The following SDK1 variants were observed in gnomAD, a reference collection of about 807,000 sequenced individuals.
SDK1 encodes the protein sidekick cell adhesion molecule 1.
Under a neutral mutation model 245.5 loss-of-function variants are expected in SDK1, and 157 were observed. The ratio of observed to expected loss-of-function variants is 0.64; its 90% CI spans 0.56 to 0.73. SDK1 has a LOEUF of 0.73. Ranked by LOEUF, SDK1 falls within the 30% of genes least tolerant of loss-of-function variation. The pLI, the probability that SDK1 is intolerant of heterozygous loss-of-function variation, is 0.00. For synonymous variants in SDK1, 1,647 were observed against 1,278.5 expected (o/e 1.29, Z -6.15); for missense variants, 3,583 against 3,002.3 (o/e 1.19, Z -4.52).
chr7:3,742,082 G>C (rs7790558), intron 4 of SDK1, among the ~76,000 whole-genome samples: 9,863 of 149,644 alleles, frequency 0.066, 1,119 homozygotes, highest in African/African-American at 0.23. Context: ...ATTTGGGGGG[G>C]GAGCAGTTTA....
intron 1 of SDK1, among the ~76,000 whole-genome samples, chr7:3,444,028 G>A (rs1780273658): frequency 6.6e-6 from 1 of 152,184 alleles, no homozygotes. Flanking sequence ...CAAGAGAGGC[G>A]GTTGTGCAGC....
At chr7:4,030,251 A>C (rs1167716183) in intron 17 of SDK1, among the ~76,000 whole-genome samples, 2 of 152,222 alleles carry the variant, frequency 1.3e-5, no homozygotes, top group Non-Finnish European at 2.9e-5. Context: ...TATCATAGTC[A>C]AGTCCAGTTA....
rs1454883934 is a variant in SDK1 at position 4,139,549 on chromosome 7, GTATATGTATA to G, written c.4229-6169_4229-6160del. Among the ~76,000 whole-genome samples, 31 of 55,008 alleles carry G rather than the reference GTATATGTATA, an allele frequency of 5.6e-4. 3 individuals carry two copies. Among genetic ancestry groups the G allele is most frequent in the African/African-American group, 1.8e-3 (31 of 17,556 alleles). The allele number at this position is 55,008 out of a possible 152,430, so 36.1% of individuals were successfully genotyped here. On this transcript the variant is annotated intron_variant, in intron 28 of 44. Transcript: ENST00000404826. ...TATGTGTGTGTGTATATATGTGTGT[GTATATGTATA>G]TATGTGTGTATATGTGTGTGTGTAT...
At position 3,701,661 on chromosome 7, in the gene SDK1, A is replaced by G. The variant is rs1049452973; in HGVS notation, c.713+59556A>G. On this transcript the variant is annotated intron_variant, in intron 4 of 44. Transcript: ENST00000404826. Reference sequence around the variant, plus strand: ...TATGTGGTTAAGCAAAGGAGCTGGAATAGGTGAACAGTTTTGGAAAAGACG... The same window carrying G: ...TATGTGGTTAAGCAAAGGAGCTGGAGTAGGTGAACAGTTTTGGAAAAGACG... Among the ~76,000 whole-genome samples the G allele has an allele frequency of 2.0e-5, 3 of 152,324 alleles. No individual in the cohort carries two copies. The East Asian group carries it at 5.8e-4, about 29-fold the overall frequency.
intron 28 of SDK1, among the ~76,000 whole-genome samples, chr7:4,136,840 G>C (rs12701427): frequency 6.6e-6 from 1 of 152,084 alleles, no homozygotes; most frequent in Non-Finnish European, 1.5e-5. Flanking sequence ...GCTCCAGCAA[G>C]TATGATCCCT....
chr7:3,362,141 A>G (rs1780969314), intron 1 of SDK1, among the ~76,000 whole-genome samples: 1 of 152,196 alleles, frequency 6.6e-6, no homozygotes, highest in South Asian at 2.1e-4. Context: ...GTGCTGTGAT[A>G]AATAACTCTT....
chr7:3,926,959 C>G (rs2128115662), intron 5 of SDK1, among the ~76,000 whole-genome samples: 1 of 152,324 alleles, frequency 6.6e-6, no homozygotes, highest in South Asian at 2.1e-4. Context: ...AAAGTCTGCT[C>G]CAGTAGCCTG....
chr7:3,736,170 A>G (rs1215517574), intron 4 of SDK1, among the ~76,000 whole-genome samples: 1 of 152,114 alleles, frequency 6.6e-6, no homozygotes, highest in African/African-American at 2.4e-5. Flanking sequence ...TTGTCCTTTG[A>G]TGGCACAGAA....
At chr7:3,738,613 A>G (rs187305693) in intron 4 of SDK1, among the ~76,000 whole-genome samples, 1 of 152,288 alleles carries the variant, frequency 6.6e-6, no homozygotes, top group Admixed American at 6.5e-5. Flanking sequence ...TTAAATCTGT[A>G]AATCATTTTG....
At chr7:3,309,071 A>C (rs1779488063) in intron 1 of SDK1, among the ~76,000 whole-genome samples, 1 of 152,100 alleles carries the variant, frequency 6.6e-6, no homozygotes, top group African/African-American at 2.4e-5. Flanking sequence ...ATAAAGGTAT[A>C]ACCTATCATA....
intron 22 of SDK1, among the ~76,000 whole-genome samples, chr7:4,082,672 G>A (rs533472118): frequency 6.2e-4 from 94 of 152,232 alleles, no homozygotes; most frequent in African/African-American, 2.1e-3. Flanking sequence ...CCAGACAGGA[G>A]TGAAGTGGTA....
At chr7:3,471,037 C>T (rs182963592) in intron 1 of SDK1, among the ~76,000 whole-genome samples, 1 of 152,132 alleles carries the variant, frequency 6.6e-6, no homozygotes, top group South Asian at 2.1e-4. Context: ...CAACAAGATT[C>T]CATCAGCATC....
intron 4 of SDK1, among the ~76,000 whole-genome samples, chr7:3,758,079 C>G (rs971414717): frequency 2.0e-5 from 3 of 152,124 alleles, no homozygotes; most frequent in African/African-American, 7.2e-5. Flanking sequence ...CAAGTCCAGC[C>G]CACAGTCAAG....
chr7:3,796,867 T>C (rs149079227), intron 4 of SDK1, among the ~76,000 whole-genome samples: 2 of 152,360 alleles, frequency 1.3e-5, no homozygotes, highest in East Asian at 3.8e-4. Flanking sequence ...TAGTCAAGTA[T>C]ATTACATAAA....
chr7:4,141,077 G>T (rs187765433), intron 28 of SDK1, among the ~76,000 whole-genome samples: 3 of 152,206 alleles, frequency 2.0e-5, no homozygotes, highest in African/African-American at 7.2e-5. Flanking sequence ...TGAGAGAGAG[G>T]CAAGGACCAC....
At chr7:3,806,226 C>G (rs1389635467) in intron 4 of SDK1, among the ~76,000 whole-genome samples, 3 of 152,236 alleles carry the variant, frequency 2.0e-5, no homozygotes, top group African/African-American at 7.2e-5. Context: ...ATCTTTAGAT[C>G]CTTAACCTCA....
At chr7:4,131,566 C>G (rs957872124) in intron 27 of SDK1, among the ~76,000 whole-genome samples, 2 of 152,202 alleles carry the variant, frequency 1.3e-5, no homozygotes, top group South Asian at 4.1e-4. Context: ...GTTTCATGCC[C>G]ATTGCCTCTT....
At chr7:3,838,914 A>C (rs553887734) in intron 5 of SDK1, among the ~76,000 whole-genome samples, 2 of 152,302 alleles carry the variant, frequency 1.3e-5, no homozygotes, top group Admixed American at 1.3e-4. Context: ...TGCCCCATCA[A>C]GTTATTGATG....
At chr7:4,149,909 C>T (rs1780240654) in intron 30 of SDK1, among the ~76,000 whole-genome samples, 1 of 152,118 alleles carries the variant, frequency 6.6e-6, no homozygotes, top group Admixed American at 6.5e-5. Flanking sequence ...ATGGATGGCA[C>T]CACGAGTACT....
Sources: allele counts gnomAD v4.1 joint callset (sites outside exome capture counted in the v4.1 genomes callset), GRCh38; gene constraint gnomAD v4.1.1; transcripts MANE v1.5; gene names NCBI Gene and HGNC (gene_info 2026-07-23, HGNC 2026-07-21).